The following LMBRD1 variants were observed in gnomAD, a reference collection of about 807,000 sequenced individuals.
LMBRD1 encodes the protein lysosomal cobalamin transport escort protein LMBD1.
Under a neutral mutation model 74.8 loss-of-function variants are expected in LMBRD1, and 64 were observed. The observed-to-expected ratio is 0.86, with a 90% CI of 0.70 to 1.05. The LOEUF is 1.05. LMBRD1 is among the 50% of genes least tolerant of loss of function. The pLI is 0.00. For missense variants in LMBRD1, 652 were observed against 645.9 expected, an observed-to-expected ratio of 1.01 and a Z score of -0.10; for synonymous variants, 204 against 216.3, an observed-to-expected ratio of 0.94 and a Z score of 0.50.
intron 14 of LMBRD1, among the ~76,000 whole-genome samples, chr6:69,690,673 G>A (rs997564137): frequency 6.6e-6 from 1 of 152,030 alleles, no homozygotes; most frequent in Non-Finnish European, 1.5e-5. Flanking sequence ...TTGAGGTAAT[G>A]GATACCACAT....
chr6:69,735,527 G>A (rs1211575362), intron 7 of LMBRD1, among the ~76,000 whole-genome samples: 4 of 151,568 alleles, frequency 2.6e-5, no homozygotes, highest in African/African-American at 9.7e-5. Flanking sequence ...AACCAATTCA[G>A]TATGAATACT....
intron 14 of LMBRD1, among the ~76,000 whole-genome samples, chr6:69,686,205 T>C (rs1348482066): frequency 6.6e-6 from 1 of 152,204 alleles, no homozygotes; most frequent in African/African-American, 2.4e-5. Context: ...ATTACCAAAA[T>C]AAGGCAAAGT....
chr6:69,785,165 G>A (rs1765919337), intron 2 of LMBRD1, among the ~76,000 whole-genome samples: 1 of 152,046 alleles, frequency 6.6e-6, no homozygotes, highest in Admixed American at 6.6e-5. Context: ...CTTTCTTCCT[G>A]AAACACATTA....
chr6:69,691,542 T>C (rs1280592509), intron 14 of LMBRD1, among the ~76,000 whole-genome samples: 1 of 152,068 alleles, frequency 6.6e-6, no homozygotes, highest in Non-Finnish European at 1.5e-5. Context: ...GTACTTGAGA[T>C]TCTGTGAAAA....
At chr6:69,795,788 T>C (rs1449393888) in intron 1 of LMBRD1, among the ~76,000 whole-genome samples, 3 of 152,238 alleles carry the variant, frequency 2.0e-5, no homozygotes, top group Non-Finnish European at 1.5e-5. Flanking sequence ...TCTTTTCTTT[T>C]ATTTTCTTTT....
intron 7 of LMBRD1, among the ~76,000 whole-genome samples, chr6:69,719,286 T>C (rs1053944929): frequency 5.3e-5 from 8 of 152,166 alleles, no homozygotes; most frequent in African/African-American, 1.9e-4. Flanking sequence ...AAATTTATAA[T>C]ACTATTCCTC....
chr6:69,754,205 G>T (rs1765224947), intron 3 of LMBRD1, among the ~76,000 whole-genome samples: 1 of 152,080 alleles, frequency 6.6e-6, no homozygotes, highest in Admixed American at 6.5e-5. Context: ...AAGTGTTATG[G>T]AGATGAATGG....
chr6:69,796,386 G>T (rs1766230636), intron 1 of LMBRD1, among the ~76,000 whole-genome samples: 1 of 152,148 alleles, frequency 6.6e-6, no homozygotes. Flanking sequence ...TACAGAGAAG[G>T]TGACAAGTAA....
chr6:69,743,731 A>G (rs1020680515), intron 5 of LMBRD1, among the ~76,000 whole-genome samples: 3 of 152,252 alleles, frequency 2.0e-5, no homozygotes, highest in Non-Finnish European at 4.4e-5. Flanking sequence ...CTAAGAAAAT[A>G]TCCATAAGTA....
intron 1 of LMBRD1, among the ~76,000 whole-genome samples, chr6:69,791,721 G>A (rs1014137020): frequency 1.3e-5 from 2 of 152,186 alleles, no homozygotes; most frequent in Admixed American, 1.3e-4. Context: ...CAAGATACAA[G>A]AACAATTCCA....
intron 9 of LMBRD1, chr6:69,705,447 C>T: frequency 1.5e-6 from 2 of 1,326,096 alleles, no homozygotes; most frequent in South Asian, 2.3e-5. Context: ...TTCTACAGAA[C>T]TAGGTCCTTT....
At chr6:69,716,413 T>A (rs990929748) in intron 8 of LMBRD1, among the ~76,000 whole-genome samples, 1 of 152,198 alleles carries the variant, frequency 6.6e-6, no homozygotes, top group African/African-American at 2.4e-5. Context: ...CACATGTATG[T>A]CTCCTTTTGA....
intron 3 of LMBRD1, among the ~76,000 whole-genome samples, chr6:69,767,552 G>C (rs1378742169): frequency 2.0e-5 from 3 of 151,794 alleles, no homozygotes; most frequent in African/African-American, 7.2e-5. Context: ...ATTATGATTG[G>C]AAAATGCACT....
chr6:69,703,989 G>A (rs1766192427), intron 9 of LMBRD1, among the ~76,000 whole-genome samples: 1 of 152,008 alleles, frequency 6.6e-6, no homozygotes, highest in African/African-American at 2.4e-5. Context: ...ATTTTCTCAT[G>A]ATTATATTTA....
chr6:69,735,934 T>C (rs534401117), intron 7 of LMBRD1, among the ~76,000 whole-genome samples: 12 of 152,348 alleles, frequency 7.9e-5, no homozygotes, highest in African/African-American at 2.9e-4. Context: ...TCCTTGCTAG[T>C]ATCTGAATAT....
chr6:69,699,205 G>C lies in LMBRD1; in HGVS notation c.1189-13C>G. ...TGATTTTATATAACTGGAAAGAAAAGAGTGACAAAATTTCAGCAATATATT... is the reference window on the plus strand; with the variant it reads ...TGATTTTATATAACTGGAAAGAAAACAGTGACAAAATTTCAGCAATATATT... On this transcript the variant is annotated splice_polypyrimidine_tract_variant and intron_variant, in intron 12 of 15. Coordinates refer to ENST00000649934, the MANE Select transcript of LMBRD1 (RefSeq NM_018368.4). The C allele has an allele frequency of 6.2e-7, 1 of 1,608,810 alleles. No homozygotes were observed. Among genetic ancestry groups the C allele is most frequent in the Non-Finnish European group, 8.5e-7 (1 of 1,175,874 alleles).
chr6:69,752,155 T>C, intron 4 of LMBRD1, 104 bp downstream of exon 4: 1 of 1,069,528 alleles, frequency 9.3e-7, no homozygotes. Flanking sequence ...GTATTTCTAT[T>C]AGACAACACT....
chr6:69,774,976 A>AGGAAGGAAGGAC (rs1765661302), intron 3 of LMBRD1, among the ~76,000 whole-genome samples: 2 of 46,016 alleles, frequency 4.3e-5, no homozygotes, highest in African/African-American at 1.1e-4. Context: ...GAAGGAAGGA[A>AGGAAGGAAGGAC]GGAAGGAAGG....
intron 8 of LMBRD1, among the ~76,000 whole-genome samples, chr6:69,716,842 T>C (rs1212208170): frequency 1.3e-5 from 2 of 150,422 alleles, no homozygotes; most frequent in East Asian, 2.0e-4. Flanking sequence ...TTCCTAGAGG[T>C]AAACTGTTAG....
Sources: allele counts gnomAD v4.1 joint callset (sites outside exome capture counted in the v4.1 genomes callset), GRCh38; gene constraint gnomAD v4.1.1; transcripts MANE v1.5; gene names NCBI Gene and HGNC (gene_info 2026-07-23, HGNC 2026-07-21).